Variants in GNPTAB observed in about 807,000 individuals in gnomAD.
The protein encoded by GNPTAB is N-acetylglucosamine-1-phosphotransferase subunits alpha/beta.
In GNPTAB, 92 loss-of-function variants were observed where a neutral mutation model predicts 136.6. The ratio of observed to expected loss-of-function variants is 0.67; its 90% CI spans 0.57 to 0.80. The LOEUF is 0.80. Ranked by LOEUF, GNPTAB falls within the 30% of genes least tolerant of loss-of-function variation. The probability of loss-of-function intolerance (pLI) is 0.00; values close to 1 mark genes in which losing one functional copy is unlikely to be tolerated. For synonymous variants in GNPTAB, 512 were observed against 535.1 expected, an observed-to-expected ratio of 0.96 and a Z score of 0.60; for missense variants, 1,343 against 1,501.8, an observed-to-expected ratio of 0.89 and a Z score of 1.75.
intron 1 of GNPTAB, among the ~76,000 whole-genome samples, chr12:101,811,448 ACTAC>A (rs1870230305): frequency 6.6e-6 from 1 of 151,766 alleles, no homozygotes; most frequent in Non-Finnish European, 1.5e-5. Context: ...GCTATAAAGA[ACTAC>A]CTAAGACTGA....
At chr12:101,799,720 T>C (rs1052514241) in intron 1 of GNPTAB, among the ~76,000 whole-genome samples, 6 of 76,266 alleles carry the variant, frequency 7.9e-5, no homozygotes, top group African/African-American at 5.3e-4. Context: ...GGAAGTACCT[T>C]GCCAGTAAGT....
intron 1 of GNPTAB, among the ~76,000 whole-genome samples, chr12:101,801,591 CAAGGCCTT>C (rs1348443775): frequency 7.6e-6 from 1 of 131,988 alleles, no homozygotes; most frequent in Non-Finnish European, 1.6e-5. Context: ...TAAAAAAGAG[CAAGGCCTT>C]AAGGACCCAA....
chr12:101,757,989 T>C (rs73392471), intron 16 of GNPTAB, among the ~76,000 whole-genome samples: 2,350 of 152,046 alleles, frequency 0.015, 67 homozygotes, highest in African/African-American at 0.053. Context: ...ACCAGCTCTG[T>C]GTGAGGCGTC....
At chr12:101,771,910 T>C (rs1953182112) in intron 7 of GNPTAB, among the ~76,000 whole-genome samples, 2 of 152,270 alleles carry the variant, frequency 1.3e-5, no homozygotes, top group South Asian at 2.1e-4. Context: ...ATCTGCAATG[T>C]AATTAACCTT....
intron 1 of GNPTAB, among the ~76,000 whole-genome samples, chr12:101,825,325 C>G (rs1000387845): frequency 8.5e-5 from 13 of 152,114 alleles, no homozygotes; most frequent in African/African-American, 2.4e-4. Flanking sequence ...GAGAAAGTTA[C>G]CAGAGCAGGA....
intron 1 of GNPTAB, among the ~76,000 whole-genome samples, chr12:101,809,911 C>T (rs1270190360): frequency 2.0e-5 from 3 of 152,196 alleles, no homozygotes; most frequent in Non-Finnish European, 2.9e-5. Context: ...AATCTATGTA[C>T]ATTAGTTAAT....
chr12:101,773,734 G>C (rs992542593), intron 7 of GNPTAB: 9 of 152,148 alleles, frequency 5.9e-5, no homozygotes, highest in African/African-American at 2.2e-4. Context: ...ACTGTAAAAA[G>C]GGTGGGGAAG....
At chr12:101,758,285 C>A (rs1010024414) in intron 16 of GNPTAB, among the ~76,000 whole-genome samples, 1 of 152,182 alleles carries the variant, frequency 6.6e-6, no homozygotes, top group South Asian at 2.1e-4. Flanking sequence ...GTGATCCGCC[C>A]GCCTTGGCCT....
In GNPTAB at chr12:101,820,903, A is replaced by T. The variant is rs77784402; in HGVS notation, c.117+9656T>A. Among the ~76,000 whole-genome samples, 450 of 152,148 alleles carry T rather than the reference A, an allele frequency of 3.0e-3. 2 individuals carry two copies. The highest frequency in any genetic ancestry group is 0.01 in the African/African-American group (416 of 41,522). On this transcript the variant is annotated intron_variant, in intron 1 of 20. Transcript: ENST00000299314. ...GAAACCCCATCTCTATTAAAAATTT[A>T]AAAAGTTGCTGGGCGTGGCAGTGCA... is the stretch of plus-strand genomic sequence containing the variant.
chr12:101,783,263 C>A (rs749032029), intron 5 of GNPTAB, among the ~76,000 whole-genome samples: 3 of 151,968 alleles, frequency 2.0e-5, no homozygotes, highest in Non-Finnish European at 4.4e-5. Flanking sequence ...GCTCTCCCTG[C>A]CAAGACAGAA....
At chr12:101,808,990 A>C (rs1291501463) in intron 1 of GNPTAB, among the ~76,000 whole-genome samples, 1 of 152,246 alleles carries the variant, frequency 6.6e-6, no homozygotes, top group Non-Finnish European at 1.5e-5. Flanking sequence ...TGTTAAAAGA[A>C]TAAAAAGATA....
chr12:101,786,749 A>C (rs886683618), intron 4 of GNPTAB, among the ~76,000 whole-genome samples: 1 of 152,260 alleles, frequency 6.6e-6, no homozygotes, highest in African/African-American at 2.4e-5. Flanking sequence ...TACAATAAAC[A>C]TATTACCTGA....
intron 2 of GNPTAB, among the ~76,000 whole-genome samples, chr12:101,795,472 G>A (rs191150302): frequency 6.6e-6 from 1 of 152,250 alleles, no homozygotes; most frequent in Admixed American, 6.5e-5. Flanking sequence ...ATGAGAATAG[G>A]CCGAGAGCGG....
At chr12:101,755,231 G>A (rs1228319341) in intron 18 of GNPTAB, among the ~76,000 whole-genome samples, 1 of 152,096 alleles carries the variant, frequency 6.6e-6, no homozygotes, top group African/African-American at 2.4e-5. Context: ...GATGAAACAA[G>A]GTCAAATAGA....
intron 7 of GNPTAB, among the ~76,000 whole-genome samples, chr12:101,771,827 A>C (rs1252380228): frequency 6.6e-6 from 1 of 152,244 alleles, no homozygotes; most frequent in East Asian, 1.9e-4. Flanking sequence ...CTTCTTTGCA[A>C]GTACACCTGC....
intron 7 of GNPTAB, chr12:101,778,973 A>G (rs991102129): frequency 6.6e-6 from 1 of 152,146 alleles, no homozygotes; most frequent in African/African-American, 2.4e-5. Context: ...TCACATTACC[A>G]TTGTATTACA....
intron 1 of GNPTAB, among the ~76,000 whole-genome samples, chr12:101,817,983 T>C (rs1385331319): frequency 6.6e-6 from 1 of 152,220 alleles, no homozygotes; most frequent in Non-Finnish European, 1.5e-5. Flanking sequence ...ATGGTCCCCA[T>C]TTTCTTCAGG....
intron 1 of GNPTAB, among the ~76,000 whole-genome samples, chr12:101,823,992 A>C (rs1870946049): frequency 6.6e-6 from 1 of 152,160 alleles, no homozygotes; most frequent in Admixed American, 6.5e-5. Context: ...CAGTGTCTTC[A>C]AGACATCTGT....
rs776478014 is a variant in GNPTAB at position 101,770,086 on chromosome 12, C to T, written c.1219G>A (p.Asp407Asn). ...ACATCCTTCCCAAACATGACATCAT[C>T]ATTTAGGTAAATAAACTTCTGGGAC... ...GLSQKFIYLN[D>N]DVMFGKDVWP... Residue 407 changes from aspartate (D) to asparagine (N), a missense_variant, in exon 10 of 21, where the codon GAT (aspartate) becomes AAT (asparagine). Transcript: ENST00000299314. 6.2e-7 allele frequency: 1 copy of T among 1,614,142 alleles called. No homozygotes were observed. Among genetic ancestry groups the T allele is most frequent in the Admixed American group, 1.7e-5 (1 of 60,024 alleles).
Sources: allele counts gnomAD v4.1 joint callset (sites outside exome capture counted in the v4.1 genomes callset), GRCh38; gene constraint gnomAD v4.1.1; transcripts MANE v1.5; gene names NCBI Gene and HGNC (gene_info 2026-07-23, HGNC 2026-07-21).